Variants in CACNA1C observed in about 807,000 individuals in gnomAD.
CACNA1C encodes voltage-dependent L-type calcium channel subunit alpha-1C.
CACNA1C carries 30 observed loss-of-function variants against 229.0 expected under a neutral mutation model. The observed-to-expected ratio is 0.13, with a 90% confidence interval of 0.10 to 0.18. The LOEUF (loss-of-function observed/expected upper bound fraction) is 0.18. Among genes scored for constraint, CACNA1C ranks in the 10% least tolerant of loss-of-function variants. The pLI is 1.00. For missense variants in CACNA1C, 1,658 were observed against 2,845.0 expected (o/e 0.58, Z 9.49); for synonymous variants, 1,114 against 1,132.5 (o/e 0.98, Z 0.33).
rs147443957 is a variant in CACNA1C, at chr12:2,685,911, T to C, written c.5680+69T>C. The C allele has an allele frequency of 6.9e-4, 824 of 1,189,912 alleles. 5 individuals carry two copies. In the African/African-American group the frequency reaches 0.011, roughly 16 times the overall value. 73.7% of individuals were successfully genotyped at this position (1,189,912 alleles called of 1,614,324 possible). ...CCTAGAGAACACTGGTCAGGGATGA[T>C]TGGGAAATCGTTGTGGCCTGCCTCA... On this transcript the variant is annotated intron_variant, in intron 44 of 46. Transcript: ENST00000399655.
chr12:2,673,018 A>G (rs561875069), intron 38 of CACNA1C, among the ~76,000 whole-genome samples: 2 of 152,302 alleles, frequency 1.3e-5, no homozygotes, highest in East Asian at 1.9e-4. Flanking sequence ...CCACCTCTGC[A>G]TGCTCTGCCC....
In CACNA1C at chr12:2,682,573, C is replaced by T; in HGVS notation, c.5468C>T (p.Ala1823Val). ...SNRCHSRESQ[A>V]AMAGQEETSQ... ...AGGTGCCACTCCCGGGAGAGCCAGG[C>T]AGCCATGGCGGGTCAGGAGGAGACG... is the stretch of plus-strand genomic sequence containing the variant. Residue 1823 changes from alanine (A) to valine (V), a missense_variant, in exon 43 of 47, where the codon GCA becomes GTA. Coordinates refer to ENST00000399655, the MANE Select transcript of CACNA1C (RefSeq NM_000719.7). The T allele has an allele frequency of 6.2e-7, 1 of 1,612,682 alleles. No individual in the cohort carries two copies. The highest frequency in any genetic ancestry group is 8.5e-7 in the Non-Finnish European group (1 of 1,179,524).
In CACNA1C at chr12:2,120,443, T is replaced by C. The variant is rs2086050002; in HGVS notation, c.477+13T>C. The C allele has an allele frequency of 2.2e-6, 3 of 1,370,336 alleles. No homozygotes were observed. Among genetic ancestry groups the C allele is most frequent in the Non-Finnish European group, 3.1e-6 (3 of 957,582 alleles). The allele number at this position is 1,370,336 out of a possible 1,614,324, so 84.9% of individuals were successfully genotyped here. A position where few individuals can be genotyped will look rare whatever the true frequency, so the allele number is the denominator to read the frequency against. On this transcript the variant is annotated intron_variant, in intron 3 of 46. Coordinates refer to ENST00000399655, the MANE Select transcript of CACNA1C (RefSeq NM_000719.7). The stretch of plus-strand genomic sequence containing the variant: ...CAATTCCAACCTGGTAAGTCCACCA[T>C]CCTCAAGTCTCTGCTTTTTCACTCG...
Position 2,597,242 on chromosome 12 carries a change from T to C in CACNA1C, c.2806T>C (p.Phe936Leu), listed in dbSNP as rs1308043616. 6.2e-7 allele frequency: 1 copy of C among 1,611,594 alleles called. No individual in the cohort carries two copies. Among genetic ancestry groups the C allele is most frequent in the South Asian group, 1.1e-5 (1 of 91,004 alleles). The change falls in exon 21 of 47, where the codon TTT (phenylalanine) becomes CTT (leucine). Residue 936 changes from phenylalanine (F) to leucine (L), a missense_variant. Physicochemically the swap from Phe to Leu is conservative, Grantham distance 22. Coordinates refer to ENST00000399655, the MANE Select transcript of CACNA1C (RefSeq NM_000719.7). The surrounding 1 kb of genome is among the most constrained non-coding windows in gnomAD (Gnocchi z 4.3). The stretch of plus-strand genomic sequence containing the variant: ...TTTTGTTTTGCAGATTCTGTTTTAT[T>C]TTGATATTGTTTTTACCACCATTTT... Reference protein sequence around the residue: ...TSFRNHILFYFDIVFTTIFTI... With the variant: ...TSFRNHILFYLDIVFTTIFTI...
intron 3 of CACNA1C, among the ~76,000 whole-genome samples, chr12:2,338,015 C>G (rs2096751937): frequency 2.0e-5 from 3 of 152,130 alleles, no homozygotes; most frequent in Admixed American, 2.0e-4. Flanking sequence ...AGGATTAAGT[C>G]CACACTTCCA....
In CACNA1C at chr12:2,092,324, C is replaced by A. The variant is rs1028584318; in HGVS notation, c.50-22900C>A. 5.6e-4 allele frequency among the ~76,000 whole-genome samples: 86 copies of A among 152,344 alleles called. 1 individual carries two copies. Among genetic ancestry groups the A allele is most frequent in the African/African-American group, 1.9e-3 (79 of 41,590 alleles). On this transcript the variant is annotated intron_variant, in intron 1 of 46. Transcript: ENST00000399655. ...ACTTGTACAGTGATTTCCTATGAAA[C>A]TTCAATTAGCCCCCTCTTCCAGTTC...
At position 2,639,117 on chromosome 12, in the gene CACNA1C, C is replaced by A. The variant is rs1396486640; in HGVS notation, c.3912+4737C>A. Among the ~76,000 whole-genome samples, 1 of 152,228 alleles carries A rather than the reference C, an allele frequency of 6.6e-6. No individual in the cohort carries two copies. The highest frequency in any genetic ancestry group is 1.5e-5 in the Non-Finnish European group (1 of 68,044). On this transcript the variant is annotated intron_variant, in intron 30 of 46. Transcript: ENST00000399655. This position sits in a 1 kb window ranked among gnomAD's most constrained non-coding sequence, Gnocchi z 4.2. Reference sequence around the variant, plus strand: ...CCGTCTTCAGGCCCCCTCGTGCGGTCATGCTGAATTCAGCCTCAGTATCTG... The same window carrying A: ...CCGTCTTCAGGCCCCCTCGTGCGGTAATGCTGAATTCAGCCTCAGTATCTG...
chr12:2,284,154 G>A (rs569208158), intron 3 of CACNA1C, among the ~76,000 whole-genome samples: 1 of 152,306 alleles, frequency 6.6e-6, no homozygotes, highest in East Asian at 1.9e-4. Flanking sequence ...AGGCTCTGCC[G>A]GGCTGCATGA....
At chr12:2,127,854 G>A (rs933945535) in intron 3 of CACNA1C, among the ~76,000 whole-genome samples, 3 of 152,194 alleles carry the variant, frequency 2.0e-5, no homozygotes, top group Admixed American at 1.3e-4. Flanking sequence ...CTTTTGGCAC[G>A]TGGAGTAGTA....
Position 2,053,659 on chromosome 12 carries a change from C to G in CACNA1C, c.49+48C>G. The G allele has an allele frequency of 1.4e-6, 2 of 1,409,192 alleles. No individual in the cohort carries two copies. The highest frequency in any genetic ancestry group is 1.9e-6 in the Non-Finnish European group (2 of 1,061,518). The allele number at this position is 1,409,192 out of a possible 1,614,324, so 87.3% of individuals were successfully genotyped here. A position where few individuals can be genotyped will look rare whatever the true frequency, so the allele number is the denominator to read the frequency against. The stretch of plus-strand genomic sequence containing the variant: ...CGCCGGGGCTCCCTGCCTTTTCCAC[C>G]GGGTTCCTGCCCTACCCGCGCTCCC... On this transcript the variant is annotated intron_variant, in intron 1 of 46. Coordinates refer to ENST00000399655, the MANE Select transcript of CACNA1C (RefSeq NM_000719.7). This position sits in a 1 kb window ranked among gnomAD's most constrained non-coding sequence, Gnocchi z 5.8.
chr12:2,557,673 T>G (rs544251629), intron 11 of CACNA1C, among the ~76,000 whole-genome samples: 9 of 152,348 alleles, frequency 5.9e-5, no homozygotes, highest in Non-Finnish European at 1.3e-4. Context: ...TACTGCTTTC[T>G]CTGCCATTTC....
rs750451768 is a variant in CACNA1C, at chr12:2,688,442, C to G, written c.5785-5C>G. ...TATTAACTCACACTCCTTGTGTGTCCGCAGGCATTGGCAGTGGCAGGCCTG... is the reference window on the plus strand; with the variant it reads ...TATTAACTCACACTCCTTGTGTGTCGGCAGGCATTGGCAGTGGCAGGCCTG... On this transcript the variant is annotated splice_region_variant and splice_polypyrimidine_tract_variant and intron_variant, in intron 45 of 46. Coordinates refer to ENST00000399655, the MANE Select transcript of CACNA1C (RefSeq NM_000719.7). 1.2e-6 allele frequency: 2 copies of G among 1,613,674 alleles called. No individual in the cohort carries two copies. Among genetic ancestry groups the G allele is most frequent in the Admixed American group, 1.7e-5 (1 of 60,022 alleles).
chr12:2,376,098 G>A (rs567851349), intron 3 of CACNA1C, among the ~76,000 whole-genome samples: 58 of 152,350 alleles, frequency 3.8e-4, no homozygotes, highest in African/African-American at 1.4e-3. Flanking sequence ...AACATTGAGT[G>A]AAATGACATG....
Position 2,595,328 on chromosome 12 carries a change from G to A in CACNA1C, c.2664-546G>A, listed in dbSNP as rs2067615162. 6.6e-6 allele frequency among the ~76,000 whole-genome samples: 1 copy of A among 152,162 alleles called. No homozygotes were observed. Among genetic ancestry groups the A allele is most frequent in the Non-Finnish European group, 1.5e-5 (1 of 68,026 alleles). On this transcript the variant is annotated intron_variant, in intron 19 of 46. Transcript: ENST00000399655. This position sits in a 1 kb window ranked among gnomAD's most constrained non-coding sequence, Gnocchi z 4.1. Reference sequence around the variant, plus strand: ...GCTGTCAAGATGAGATGGTGTACAAGACACTTTGGCATTTAGGAACCTAGC... The same window carrying A: ...GCTGTCAAGATGAGATGGTGTACAAAACACTTTGGCATTTAGGAACCTAGC...
intron 3 of CACNA1C, among the ~76,000 whole-genome samples, chr12:2,271,694 G>A (rs2085058326): frequency 6.6e-6 from 1 of 151,904 alleles, no homozygotes; most frequent in Non-Finnish European, 1.5e-5. Context: ...GAGCCCAGGA[G>A]TTTGACACCA....
chr12:2,550,811 C>T (rs144726910), intron 10 of CACNA1C: 14 of 564,498 alleles, frequency 2.5e-5, no homozygotes, highest in South Asian at 5.9e-5. Context: ...ACAGCAATGC[C>T]GGCCTTGAGC....
chr12:2,635,056 G>C (rs930903046), intron 30 of CACNA1C, among the ~76,000 whole-genome samples: 2 of 152,168 alleles, frequency 1.3e-5, no homozygotes, highest in South Asian at 2.1e-4. Flanking sequence ...CTCTAGAGGT[G>C]GTGGGTGACG....
At chr12:2,433,608 A>T (rs891634444) in intron 3 of CACNA1C, among the ~76,000 whole-genome samples, 1 of 152,256 alleles carries the variant, frequency 6.6e-6, no homozygotes, top group African/African-American at 2.4e-5. Flanking sequence ...GTTGGTCATC[A>T]AAAGGACCTT....
At chr12:2,047,075 G>T (rs1035466760) in intron 1 of CACNA1C, among the ~76,000 whole-genome samples, 1 of 152,190 alleles carries the variant, frequency 6.6e-6, no homozygotes, top group African/African-American at 2.4e-5. Flanking sequence ...TGCCTGAAAT[G>T]TTGCCCACAG....
Sources: allele counts gnomAD v4.1 joint callset (sites outside exome capture counted in the v4.1 genomes callset), GRCh38; gene constraint gnomAD v4.1.1; non-coding constraint Gnocchi (gnomAD v3.1); transcripts MANE v1.5; gene names NCBI Gene and HGNC (gene_info 2026-07-23, HGNC 2026-07-21).